The following MYG1 variants were observed in gnomAD, a reference collection of about 807,000 sequenced individuals.
MYG1 encodes the protein UPF0160 protein MYG1, mitochondrial.
A neutral mutation model predicts 43.5 loss-of-function variants in MYG1; 36 were observed. That is an observed-to-expected ratio of 0.83 (90% CI 0.63 to 1.09). MYG1 has a LOEUF of 1.09. Ranked by LOEUF, MYG1 falls within the 50% of genes least tolerant of loss-of-function variation. MYG1 has a pLI of 0.00. For missense variants in MYG1, 529 were observed against 495.1 expected (o/e 1.07, Z -0.65); for synonymous variants, 220 against 202.8 (o/e 1.08, Z -0.72).
Position 53,307,056 on chromosome 12 carries a change from C to T in MYG1, c.1038C>T (p.Ser346=), listed in dbSNP as rs553968048. The part of the protein sequence containing the change: ...GIPGCIFVHA[S]GFTGGHHTRE... ...CTGGCTGCATCTTCGTCCATGCAAG[C>T]GGCTTCACTGGCGGTCACCACACCC... The change falls in exon 7 of 7, where the codon AGC becomes AGT. Residue 346 remains serine, a synonymous_variant. Transcript: ENST00000267103. 5.5e-5 allele frequency: 89 copies of T among 1,614,210 alleles called. 1 individual carries two copies. The Middle Eastern group carries it at 6.6e-4, about 12-fold the overall frequency.
At position 53,306,006 on chromosome 12, in the gene MYG1, T is replaced by C; in HGVS notation, c.588T>C (p.Ser196=). The C allele has an allele frequency of 6.2e-7, 1 of 1,614,082 alleles. No individual in the cohort carries two copies. The highest frequency in any genetic ancestry group is 8.5e-7 in the Non-Finnish European group (1 of 1,180,002). ...EPRYALTTTL[S]ARVARLNPTW... Reference sequence around the variant, plus strand: ...GATATGCACTGACCACTACCCTGAGTGCACGAGTTGCTCGACTTAATCCTA... The same window carrying C: ...GATATGCACTGACCACTACCCTGAGCGCACGAGTTGCTCGACTTAATCCTA... The change falls in exon 4 of 7, where the codon AGT becomes AGC. Residue 196 remains serine, a synonymous_variant. Transcript: ENST00000267103.
chr12:53,305,709 C>A lies in MYG1; in HGVS notation c.490-199C>A. The stretch of plus-strand genomic sequence containing the variant: ...GAGCATGGATTAGAAATCAGGTGAT[C>A]TGAATTCCAGTCACAGCACAACGAG... On this transcript the variant is annotated intron_variant, in intron 3 of 6. Transcript: ENST00000267103. 4 of 597,538 alleles carry A rather than the reference C, an allele frequency of 6.7e-6. No homozygotes were observed. In the South Asian group the frequency reaches 1.0e-4, roughly 15 times the overall value. The allele number at this position is 597,538 out of a possible 1,614,324, so 37.0% of individuals were successfully genotyped here.
intron 3 of MYG1, chr12:53,303,774 A>T (rs1438921689): frequency 6.6e-6 from 1 of 152,310 alleles, no homozygotes; most frequent in South Asian, 2.1e-4. Flanking sequence ...TTACTTGTTT[A>T]CAAGTCAAAG....
At position 53,306,746 on chromosome 12, in the gene MYG1, C is replaced by T. The variant is rs758546892; in HGVS notation, c.832C>T (p.His278Tyr). 6.2e-7 allele frequency: 1 copy of T among 1,614,208 alleles called. No homozygotes were observed. The highest frequency in any genetic ancestry group is 1.7e-5 in the Admixed American group (1 of 60,018). ...ATGTCCCTGGAAGGAGCATCTCTACCACCTGGAATCTGGGCTGTCCCCTCC... is the reference window on the plus strand; with the variant it reads ...ATGTCCCTGGAAGGAGCATCTCTACTACCTGGAATCTGGGCTGTCCCCTCC... ...GACPWKEHLY[H>Y]LESGLSPPVA... Residue 278 changes from histidine (H) to tyrosine (Y), a missense_variant, in exon 6 of 7, where the codon CAC becomes TAC. His to Tyr is a moderately conservative substitution (Grantham distance 83). Coordinates refer to ENST00000267103, the MANE Select transcript of MYG1 (RefSeq NM_021640.4).
rs562207567 is a variant in MYG1 at position 53,304,737 on chromosome 12, A to G, written c.490-1171A>G. Among the ~76,000 whole-genome samples the G allele has an allele frequency of 2.8e-4, 42 of 151,472 alleles. No homozygotes were observed. The South Asian group carries it at 7.9e-3, about 29-fold the overall frequency. ...CCCAAGTAGCTGAGACTACAGGTGC[A>G]TGCCACCATGCCTGGCTAATTATAT... On this transcript the variant is annotated intron_variant, in intron 3 of 6. Transcript: ENST00000267103.
chr12:53,301,458 C>G (rs1173901590), intron 2 of MYG1, among the ~76,000 whole-genome samples: 1 of 152,066 alleles, frequency 6.6e-6, no homozygotes, highest in Non-Finnish European at 1.5e-5. Context: ...GGAAGAAACC[C>G]TCCCAATATT....
chr12:53,300,227 C>T lies in MYG1; in HGVS notation c.294C>T (p.Tyr98=), dbSNP rs140567138. Residue 98 remains tyrosine, a synonymous_variant, in exon 2 of 7, where the codon TAC becomes TAT. Transcript: ENST00000267103. ...CDIVVDVGGE[Y]DPRRHRYDHH... Reference sequence around the variant, plus strand: ...TCGTGGTGGACGTGGGGGGCGAGTACGACCCTCGGAGACACCGATATGACC... The same window carrying T: ...TCGTGGTGGACGTGGGGGGCGAGTATGACCCTCGGAGACACCGATATGACC... The T allele has an allele frequency of 7.6e-5, 122 of 1,601,562 alleles. No homozygotes were observed. The highest frequency in any genetic ancestry group is 1.2e-4 in the African/African-American group (9 of 74,498).
intron 1 of MYG1, 48 bp downstream of exon 1, chr12:53,300,001 C>CG (rs1213750931): frequency 6.9e-6 from 11 of 1,604,838 alleles, no homozygotes; most frequent in Non-Finnish European, 9.4e-6. Context: ...TGCATGCCTC[C>CG]GGGGTGGATG....
intron 2 of MYG1, among the ~76,000 whole-genome samples, chr12:53,302,420 C>G (rs1370769900): frequency 6.6e-6 from 1 of 152,184 alleles, no homozygotes; most frequent in African/African-American, 2.4e-5. Flanking sequence ...TATTTTCTGC[C>G]CCACTGCTGT....
In MYG1 at chr12:53,306,054, C is replaced by A. The variant is rs370034772; in HGVS notation, c.636C>A (p.Asp212Glu). 1.9e-5 allele frequency: 31 copies of A among 1,612,764 alleles called. No individual in the cohort carries two copies. The highest frequency in any genetic ancestry group is 1.6e-4 in the East Asian group (7 of 44,882). The change falls in exon 4 of 7, where the codon GAC (aspartate) becomes GAA (glutamate). Residue 212 changes from aspartate to glutamate, a missense_variant. Coordinates refer to ENST00000267103, the MANE Select transcript of MYG1 (RefSeq NM_021640.4). The stretch of plus-strand genomic sequence containing the variant: ...CTACCTGGAACCACCCCGACCAAGA[C>A]ACTGAGGTAAGGTGGCCTGGGAGGA... ...LNPTWNHPDQDTEAGFKRAMD... is the reference protein window; with the variant it reads ...LNPTWNHPDQETEAGFKRAMD...
At chr12:53,306,528 G>GAGAC in intron 5 of MYG1, 152 bp from the exon 6 acceptor site, 1 of 1,081,444 alleles carries the variant, frequency 9.2e-7, no homozygotes, top group Non-Finnish European at 1.3e-6. Context: ...ATTTTTTGTA[G>GAGAC]AGACAGGGTC....
intron 3 of MYG1, 193 bp downstream of exon 3, chr12:53,303,386 G>T: frequency 1.7e-6 from 1 of 598,584 alleles, no homozygotes; most frequent in South Asian, 2.4e-5. Context: ...TACATCCTGG[G>T]GTGGTTGTGA....
intron 3 of MYG1, chr12:53,303,493 C>A (rs1944246374): frequency 6.8e-6 from 2 of 293,304 alleles, no homozygotes; most frequent in Non-Finnish European, 1.3e-5. Context: ...AATTGCTCAG[C>A]ACCTTTGGGT....
At position 53,299,761 on chromosome 12, in the gene MYG1, C is replaced by T; in HGVS notation, c.24C>T (p.Gly8=). The T allele has an allele frequency of 6.2e-7, 1 of 1,613,814 alleles. No individual in the cohort carries two copies. Among genetic ancestry groups the T allele is most frequent in the Non-Finnish European group, 8.5e-7 (1 of 1,179,892 alleles). ...TTATGGGACACCAATTCCTGCGCGG[C>T]CTCTTAACGCTGCTGCTGCCGCCGC... The part of the protein sequence containing the change: MGHQFLR[G]LLTLLLPPPP... Residue 8 remains glycine (G), a synonymous_variant, in exon 1 of 7, where the codon GGC becomes GGT. Transcript: ENST00000267103.
chr12:53,304,448 G>T (rs1346556323), intron 3 of MYG1, among the ~76,000 whole-genome samples: 2 of 151,730 alleles, frequency 1.3e-5, no homozygotes, highest in Non-Finnish European at 2.9e-5. Context: ...ACCACGCCTG[G>T]CTAATTTTTT....
rs1944243905 is a variant in MYG1, at chr12:53,303,127, C to T, written c.423C>T (p.His141=). The change falls in exon 3 of 7, where the codon CAC becomes CAT. Residue 141 remains histidine (H), a synonymous_variant. Coordinates refer to ENST00000267103, the MANE Select transcript of MYG1 (RefSeq NM_021640.4). ...GACTCATCTATCTGCACTTCGGGCACAAGCTGCTGGCCCAGTTGCTGGGCA... is the reference window on the plus strand; with the variant it reads ...GACTCATCTATCTGCACTTCGGGCATAAGCTGCTGGCCCAGTTGCTGGGCA... ...SAGLIYLHFG[H]KLLAQLLGTS... 3.1e-6 allele frequency: 5 copies of T among 1,614,086 alleles called. No homozygotes were observed. The highest frequency in any genetic ancestry group is 4.2e-6 in the Non-Finnish European group (5 of 1,180,038).
rs1345301615 is a variant in MYG1 at position 53,299,707 on chromosome 12, G to A, written c.-31G>A. Reference sequence around the variant, plus strand: ...GCGCTGGCGCTTCCTCTTCCGGGTCGGCGCTCCTGCCTCCCTGCAGGGAGC... The same window carrying A: ...GCGCTGGCGCTTCCTCTTCCGGGTCAGCGCTCCTGCCTCCCTGCAGGGAGC... On this transcript the variant is annotated 5_prime_UTR_variant, in exon 1 of 7. Transcript: ENST00000267103. 1 of 1,577,448 alleles carries A rather than the reference G, an allele frequency of 6.3e-7. No individual in the cohort carries two copies. The highest frequency in any genetic ancestry group is 1.4e-5 in the African/African-American group (1 of 73,892).
intron 3 of MYG1, among the ~76,000 whole-genome samples, chr12:53,304,296 G>GT (rs1245083855): frequency 1.4e-5 from 2 of 147,720 alleles, no homozygotes; most frequent in Admixed American, 1.3e-4. Flanking sequence ...GTTTTTTTTT[G>GT]TTTTTTTGAG....
intron 3 of MYG1, 143 bp from the exon 4 acceptor site, chr12:53,305,765 G>T: frequency 4.6e-6 from 5 of 1,078,588 alleles, no homozygotes; most frequent in Non-Finnish European, 6.4e-6. Context: ...TGCTGAACTT[G>T]CCAATTCTCC....
Sources: allele counts gnomAD v4.1 joint callset (sites outside exome capture counted in the v4.1 genomes callset), GRCh38; gene constraint gnomAD v4.1.1; transcripts MANE v1.5; gene names NCBI Gene and HGNC (gene_info 2026-07-23, HGNC 2026-07-21).